Variants in CDKAL1 observed in about 807,000 individuals in gnomAD.
The protein encoded by CDKAL1 is CDKAL1 threonylcarbamoyladenosine tRNA methylthiotransferase.
Under a neutral mutation model 68.2 loss-of-function variants are expected in CDKAL1, and 32 were observed. The observed-to-expected ratio is 0.47, with a 90% CI of 0.35 to 0.63. The LOEUF is 0.63. Ranked by LOEUF, CDKAL1 falls within the 30% of genes least tolerant of loss-of-function variation. The probability of loss-of-function intolerance (pLI) is 0.00; values close to 1 mark genes in which losing one functional copy is unlikely to be tolerated. For synonymous variants in CDKAL1, 234 were observed against 244.3 expected (o/e 0.96, Z 0.39); for missense variants, 606 against 696.7 (o/e 0.87, Z 1.47).
chr6:21,139,348 G>C (rs565133427), intron 13 of CDKAL1, among the ~76,000 whole-genome samples: 2 of 152,194 alleles, frequency 1.3e-5, no homozygotes, highest in Non-Finnish European at 2.9e-5. Context: ...TGTCATCAAG[G>C]AAGGGAATTG....
intron 10 of CDKAL1, among the ~76,000 whole-genome samples, chr6:20,997,919 T>A (rs1224622591): frequency 2.6e-5 from 4 of 152,196 alleles, no homozygotes; most frequent in Non-Finnish European, 4.4e-5. Flanking sequence ...ATGATTTACA[T>A]ATGGAGTGCT....
rs60742038 is a variant in CDKAL1, at chr6:20,676,592, G to A, written c.371+27215G>A. On this transcript the variant is annotated intron_variant, in intron 5 of 15. Coordinates refer to ENST00000274695, the MANE Select transcript of CDKAL1 (RefSeq NM_017774.3). ...TGAGACAGGAGAATGGTATGAACCCGGGAGGTGGAGCTTGCAGTGACCCAA... is the reference window on the plus strand; with the variant it reads ...TGAGACAGGAGAATGGTATGAACCCAGGAGGTGGAGCTTGCAGTGACCCAA... Among the ~76,000 whole-genome samples the A allele has an allele frequency of 1.4e-4, 22 of 151,852 alleles. No homozygotes were observed. In the East Asian group the frequency reaches 3.7e-3, roughly 25 times the overall value.
intron 4 of CDKAL1, among the ~76,000 whole-genome samples, chr6:20,630,501 C>CT (rs11327958): frequency 5.3e-5 from 8 of 149,738 alleles, no homozygotes; most frequent in East Asian, 1.9e-4. Context: ...GCTTTTTCAC[C>CT]TTTTTTTTTT....
chr6:20,934,599 C>G (rs931535587), intron 9 of CDKAL1, among the ~76,000 whole-genome samples: 1 of 152,020 alleles, frequency 6.6e-6, no homozygotes, highest in Non-Finnish European at 1.5e-5. Flanking sequence ...AATCCCAGCA[C>G]TTTGGGAGGC....
At chr6:20,916,456 C>A (rs1017359294) in intron 9 of CDKAL1, among the ~76,000 whole-genome samples, 4 of 152,032 alleles carry the variant, frequency 2.6e-5, no homozygotes, top group Non-Finnish European at 5.9e-5. Context: ...AATAGGTGGG[C>A]AGAAGGCAGA....
chr6:20,581,905 C>T (rs2127689884), intron 4 of CDKAL1, among the ~76,000 whole-genome samples: 1 of 152,260 alleles, frequency 6.6e-6, no homozygotes, highest in Non-Finnish European at 1.5e-5. Flanking sequence ...AGGCATTGTT[C>T]TGAACAAGGT....
rs368948788 is a variant in CDKAL1, at chr6:21,173,986, C to G, written c.1300-24035C>G. Among the ~76,000 whole-genome samples the G allele has an allele frequency of 2.7e-4, 41 of 152,190 alleles. No homozygotes were observed. The East Asian group carries it at 3.9e-3, about 14-fold the overall frequency. ...ACGGAAGGCTGAGGCAGGAGAATTGCTTCAGTGCAGGAATTTGAGGCAGCA... is the reference window on the plus strand; with the variant it reads ...ACGGAAGGCTGAGGCAGGAGAATTGGTTCAGTGCAGGAATTTGAGGCAGCA... On this transcript the variant is annotated intron_variant, in intron 13 of 15. Transcript: ENST00000274695.
chr6:20,680,806 A>G (rs1414656498), intron 5 of CDKAL1, among the ~76,000 whole-genome samples: 4 of 152,188 alleles, frequency 2.6e-5, no homozygotes, highest in African/African-American at 4.8e-5. Context: ...ATATTGAAAA[A>G]TATAATCTAA....
At chr6:21,226,363 A>G (rs1167434883) in intron 15 of CDKAL1, among the ~76,000 whole-genome samples, 1 of 150,240 alleles carries the variant, frequency 6.7e-6, no homozygotes, top group Non-Finnish European at 1.5e-5. Context: ...ATAGGATTTG[A>G]TAAGCTACAC....
Position 21,037,352 on chromosome 6 carries a change from T to C in CDKAL1, c.1056-27696T>C, listed in dbSNP as rs562129636. ...GGCAGGATGCTTGTTTGATCACCAG[T>C]TATGTATTAAACACTGAACTATTTT... On this transcript the variant is annotated intron_variant, in intron 11 of 15. Coordinates refer to ENST00000274695, the MANE Select transcript of CDKAL1 (RefSeq NM_017774.3). Among the ~76,000 whole-genome samples, 13 of 152,356 alleles carry C rather than the reference T, an allele frequency of 8.5e-5. No homozygotes were observed. In the East Asian group the frequency reaches 2.5e-3, roughly 29 times the overall value.
intron 4 of CDKAL1, among the ~76,000 whole-genome samples, chr6:20,634,977 C>CAAAAAAAA (rs142659533): frequency 1.0e-5 from 1 of 99,850 alleles, no homozygotes. Flanking sequence ...AACCCCGTCT[C>CAAAAAAAA]AAAAAAAAAA....
At chr6:20,579,234 C>T (rs1212381552) in intron 4 of CDKAL1, among the ~76,000 whole-genome samples, 4 of 152,078 alleles carry the variant, frequency 2.6e-5, no homozygotes, top group African/African-American at 9.7e-5. Context: ...CTGCTTCAGC[C>T]TCCCAAAGCA....
At chr6:20,721,352 C>G (rs9350273) in intron 5 of CDKAL1, among the ~76,000 whole-genome samples, 1 of 152,034 alleles carries the variant, frequency 6.6e-6, no homozygotes, top group African/African-American at 2.4e-5. Context: ...TTTTAAATCC[C>G]GTCTATCATT....
At chr6:20,874,310 T>TTTG (rs1491238604) in intron 9 of CDKAL1, among the ~76,000 whole-genome samples, 1 of 30,166 alleles carries the variant, frequency 3.3e-5, no homozygotes, top group Non-Finnish European at 6.6e-5. Context: ...TGTTTGTTTG[T>TTTG]TTTTTTTTTG....
intron 13 of CDKAL1, among the ~76,000 whole-genome samples, chr6:21,138,646 A>G (rs1775740860): frequency 1.3e-5 from 2 of 152,206 alleles, no homozygotes. Flanking sequence ...CCTTTCTTCT[A>G]AATAATTTCT....
intron 4 of CDKAL1, among the ~76,000 whole-genome samples, chr6:20,590,304 C>T (rs1182096600): frequency 1.3e-5 from 2 of 152,060 alleles, no homozygotes; most frequent in African/African-American, 4.8e-5. Context: ...TGCAAATTAC[C>T]TACTATGCAC....
chr6:21,075,516 T>A (rs1772026005), intron 12 of CDKAL1, among the ~76,000 whole-genome samples: 1 of 152,138 alleles, frequency 6.6e-6, no homozygotes, highest in Non-Finnish European at 1.5e-5. Context: ...AACTTTATAA[T>A]GAAAATAAAT....
At chr6:21,023,705 C>T (rs1768806037) in intron 11 of CDKAL1, among the ~76,000 whole-genome samples, 1 of 152,054 alleles carries the variant, frequency 6.6e-6, no homozygotes, top group Non-Finnish European at 1.5e-5. Context: ...TTTTATTTTA[C>T]TTTCCAATGT....
chr6:20,641,669 G>A (rs9465852), intron 4 of CDKAL1, among the ~76,000 whole-genome samples: 107,575 of 152,174 alleles, frequency 0.71, 38,846 homozygotes, highest in African/African-American at 0.85. Context: ...AAATTGGCAC[G>A]TAGAGATTTA....
Sources: allele counts gnomAD v4.1 joint callset (sites outside exome capture counted in the v4.1 genomes callset), GRCh38; gene constraint gnomAD v4.1.1; transcripts MANE v1.5; gene names NCBI Gene and HGNC (gene_info 2026-07-23, HGNC 2026-07-21).